ZNF469: variants seen among roughly 807,000 people sequenced by gnomAD.
ZNF469 encodes the protein zinc finger protein 469.
In ZNF469, 1 loss-of-function variant was observed where a neutral mutation model predicts 1.0. The observed-to-expected ratio is 1.00, with a 90% CI of 0.35 to 4.73. ZNF469 has a LOEUF of 4.73. ZNF469 is among the 30% of genes most tolerant of loss of function. The probability of loss-of-function intolerance (pLI) is 0.16; values close to 1 mark genes in which losing one functional copy is unlikely to be tolerated. For missense variants in ZNF469, 6,100 were observed against 5,356.3 expected, an observed-to-expected ratio of 1.14 and a Z score of -4.33; for synonymous variants, 2,703 against 2,363.4, an observed-to-expected ratio of 1.14 and a Z score of -4.17.
the ZNF469 span, among the ~76,000 whole-genome samples, chr16:88,363,150 C>A: frequency 6.6e-6 from 1 of 152,158 alleles, no homozygotes; most frequent in Non-Finnish European, 1.5e-5. Flanking sequence ...AGTAAAAGAA[C>A]TACTTTTAAA....
chr16:88,426,400 G>A lies in ZNF469; in HGVS notation c.-126-945G>A, dbSNP rs1019240477. Among the ~76,000 whole-genome samples, 4 of 152,282 alleles carry A rather than the reference G, an allele frequency of 2.6e-5. No individual in the cohort carries two copies. In the East Asian group the frequency reaches 5.8e-4, roughly 22 times the overall value. ...GGGGCCCCCACACGGAGCGGCCTGC[G>A]CACCTCGTGGCCACAGCCAATGGCT... On this transcript the variant is annotated intron_variant, in intron 2 of 2. Coordinates refer to ENST00000565624, the MANE Select transcript of ZNF469 (RefSeq NM_001367624.2).
the ZNF469 span, among the ~76,000 whole-genome samples, chr16:88,175,541 G>A: frequency 6.6e-6 from 1 of 152,206 alleles, no homozygotes; most frequent in Non-Finnish European, 1.5e-5. Context: ...ACAGAAAGAT[G>A]TCTGGAGACT....
chr16:88,427,155 C>G (rs976871823), intron 2 of ZNF469, among the ~76,000 whole-genome samples, 190 bp from the exon 3 acceptor site: 1 of 152,292 alleles, frequency 6.6e-6, no homozygotes, highest in Admixed American at 6.5e-5. Context: ...GCGGGATGCC[C>G]TCTCCCTTCC....
chr16:88,428,089 G>C lies in ZNF469; in HGVS notation c.619G>C (p.Ala207Pro). The C allele has an allele frequency of 6.5e-7, 1 of 1,549,776 alleles. No individual in the cohort carries two copies. Among genetic ancestry groups the C allele is most frequent in the African/African-American group, 1.4e-5 (1 of 73,090 alleles). The change falls in exon 3 of 3, where the codon GCC becomes CCC. Residue 207 changes from alanine to proline, a missense_variant. By Grantham distance (27) the Ala-to-Pro change is conservative. Transcript: ENST00000565624. ...TSPSATPRPP[A>P]PGPPQSRGTS... ...ACCAAGCGCCACCCCCAGGCCCCCA[G>C]CCCCGGGGCCCCCCCAGAGCAGGGG... is the stretch of plus-strand genomic sequence containing the variant.
upstream of ZNF469, among the ~76,000 whole-genome samples, chr16:88,381,766 G>T (rs1303758627): frequency 1.3e-5 from 2 of 152,238 alleles, no homozygotes; most frequent in African/African-American, 4.8e-5. Flanking sequence ...CATGTGCTGC[G>T]ATGCCAGCAC....
the ZNF469 span, among the ~76,000 whole-genome samples, chr16:88,110,965 G>A: frequency 2.2e-4 from 33 of 152,372 alleles, no homozygotes; most frequent in African/African-American, 7.9e-4. Flanking sequence ...TCCGTGGCAG[G>A]GAAGCTCAGG....
intron 1 of ZNF469, among the ~76,000 whole-genome samples, chr16:88,395,836 G>C (rs1904643380): frequency 6.6e-6 from 1 of 152,200 alleles, no homozygotes; most frequent in African/African-American, 2.4e-5. Context: ...ACAGGCATCA[G>C]GCCGCACGTC....
At chr16:88,121,625 T>C in the ZNF469 span, among the ~76,000 whole-genome samples, 1 of 152,202 alleles carries the variant, frequency 6.6e-6, no homozygotes, top group Non-Finnish European at 1.5e-5. Flanking sequence ...TCCATACATA[T>C]TTAAGCTTAT....
At chr16:88,364,411 C>A in the ZNF469 span, among the ~76,000 whole-genome samples, 1 of 145,790 alleles carries the variant, frequency 6.9e-6, no homozygotes, top group African/African-American at 2.6e-5. Context: ...GCATGTTCTT[C>A]CTTTATTTTG....
chr16:88,239,699 ATATATATATATATATATTTTTTTTTTTTT>A, the ZNF469 span, among the ~76,000 whole-genome samples: 88 of 12,226 alleles, frequency 7.2e-3, 10 homozygotes, highest in Non-Finnish European at 9.2e-3. Flanking sequence ...ATATATATAT[ATATATATATATATATATTTTTTTTTTTTT>A]TTTTTTTTTT....
chr16:88,195,029 A>C, the ZNF469 span: 1 of 152,202 alleles, frequency 6.6e-6, no homozygotes, highest in African/African-American at 2.4e-5. Context: ...GTGCAGGCTG[A>C]TGGATGGGCT....
chr16:88,397,208 G>A (rs1191927983), intron 1 of ZNF469, among the ~76,000 whole-genome samples: 2 of 152,248 alleles, frequency 1.3e-5, no homozygotes, highest in South Asian at 4.1e-4. Context: ...TCCAGCAAAG[G>A]ACCCAGGGAA....
the ZNF469 span, among the ~76,000 whole-genome samples, chr16:88,326,210 C>G: frequency 6.6e-6 from 1 of 152,214 alleles, no homozygotes; most frequent in African/African-American, 2.4e-5. Context: ...GGGGGTGGCT[C>G]TTTCCATGCT....
At chr16:88,307,372 T>C in the ZNF469 span, among the ~76,000 whole-genome samples, 6 of 152,254 alleles carry the variant, frequency 3.9e-5, no homozygotes, top group Non-Finnish European at 8.8e-5. Flanking sequence ...GCAGCATTGC[T>C]GGTCGTACAG....
the ZNF469 span, among the ~76,000 whole-genome samples, chr16:88,299,796 C>T: frequency 1.3e-5 from 2 of 152,220 alleles, no homozygotes; most frequent in Non-Finnish European, 2.9e-5. Context: ...GGGACTCAGG[C>T]CCAGGAGTTG....
At chr16:88,211,439 G>A in the ZNF469 span, among the ~76,000 whole-genome samples, 1 of 152,348 alleles carries the variant, frequency 6.6e-6, no homozygotes, top group East Asian at 1.9e-4. Flanking sequence ...AGGGAAAGTC[G>A]ATACAAACTG....
chr16:88,402,818 C>G (rs971608506), intron 1 of ZNF469, among the ~76,000 whole-genome samples: 4 of 152,208 alleles, frequency 2.6e-5, no homozygotes, highest in Admixed American at 2.6e-4. Flanking sequence ...TGCACTTCAT[C>G]TTACCAGTGC....
At chr16:88,127,923 A>G in the ZNF469 span, among the ~76,000 whole-genome samples, 1 of 152,160 alleles carries the variant, frequency 6.6e-6, no homozygotes. Flanking sequence ...CAAAGAGTTT[A>G]TTCCCAAAAC....
At chr16:88,323,561 G>C in the ZNF469 span, among the ~76,000 whole-genome samples, 1 of 152,180 alleles carries the variant, frequency 6.6e-6, no homozygotes, top group African/African-American at 2.4e-5. Context: ...TATTGGAAAT[G>C]GTCCCAAGAG....
Sources: allele counts gnomAD v4.1 joint callset (sites outside exome capture counted in the v4.1 genomes callset), GRCh38; gene constraint gnomAD v4.1.1; transcripts MANE v1.5; gene names NCBI Gene and HGNC (gene_info 2026-07-23, HGNC 2026-07-21).